DCC: variants seen among roughly 807,000 people sequenced by gnomAD.
DCC encodes DCC netrin 1 receptor, also known as netrin receptor DCC.
DCC carries 58 observed loss-of-function variants against 172.5 expected under a neutral mutation model. The ratio of observed to expected loss-of-function variants is 0.34; its 90% CI spans 0.27 to 0.42. The LOEUF (loss-of-function observed/expected upper bound fraction) is 0.42, where lower values mean the gene tolerates loss of function less well. Ranked by LOEUF, DCC falls within the 10% of genes least tolerant of loss-of-function variation. The pLI is 1.00. For missense variants in DCC, 1,740 were observed against 1,791.0 expected (o/e 0.97, Z 0.51); for synonymous variants, 709 against 644.5 (o/e 1.10, Z -1.52).
chr18:53,003,939 T>C (rs955709505), intron 5 of DCC, among the ~76,000 whole-genome samples: 3 of 152,194 alleles, frequency 2.0e-5, no homozygotes, highest in Admixed American at 2.0e-4. Flanking sequence ...AATTTTTTTG[T>C]ATATACATGC....
At chr18:52,724,694 T>C (rs1243446451) in intron 1 of DCC, among the ~76,000 whole-genome samples, 2 of 152,172 alleles carry the variant, frequency 1.3e-5, no homozygotes, top group Non-Finnish European at 2.9e-5. Context: ...CTTGTCTCCC[T>C]CTTTCATAGC....
At chr18:52,515,769 A>C (rs982864959) in intron 1 of DCC, among the ~76,000 whole-genome samples, 8 of 151,062 alleles carry the variant, frequency 5.3e-5, no homozygotes, top group Non-Finnish European at 8.9e-5. Context: ...AAAATTAAAA[A>C]CTGTTGCTTT....
intron 2 of DCC, among the ~76,000 whole-genome samples, chr18:52,784,683 A>T (rs1375416753): frequency 2.6e-5 from 4 of 151,888 alleles, no homozygotes; most frequent in African/African-American, 9.7e-5. Flanking sequence ...AAAATTTTTT[A>T]AATATGTTTT....
rs569519895 is a variant in DCC at position 53,138,767 on chromosome 18, G to A, written c.1262-18589G>A. On this transcript the variant is annotated intron_variant, in intron 7 of 28. Coordinates refer to ENST00000442544, the MANE Select transcript of DCC (RefSeq NM_005215.4). ...CTAACAATATACCCTTGGGTTTACA[G>A]CAGAATAAAGCTGCTACTCTGATAA... Among the ~76,000 whole-genome samples, 6 of 152,262 alleles carry A rather than the reference G, an allele frequency of 3.9e-5. No homozygotes were observed. The South Asian group carries it at 8.3e-4, about 21-fold the overall frequency.
At chr18:52,625,033 A>G (rs1478847332) in intron 1 of DCC, among the ~76,000 whole-genome samples, 3 of 152,166 alleles carry the variant, frequency 2.0e-5, no homozygotes, top group Non-Finnish European at 2.9e-5. Flanking sequence ...GGTGTAGCCT[A>G]TTGTTCCTAG....
chr18:52,705,743 A>T (rs1447336935), intron 1 of DCC, among the ~76,000 whole-genome samples: 1 of 152,174 alleles, frequency 6.6e-6, no homozygotes, highest in Non-Finnish European at 1.5e-5. Context: ...ACGGCCTGGC[A>T]CAAATATAGG....
chr18:53,107,615 T>C (rs1467089983), intron 7 of DCC, among the ~76,000 whole-genome samples: 1 of 150,038 alleles, frequency 6.7e-6, no homozygotes, highest in Non-Finnish European at 1.5e-5. Flanking sequence ...TCTCCCTCAA[T>C]CAGAACTTAG....
chr18:52,503,061 C>T (rs745651860), intron 1 of DCC, among the ~76,000 whole-genome samples: 13 of 152,114 alleles, frequency 8.5e-5, no homozygotes, highest in Non-Finnish European at 1.8e-4. Flanking sequence ...TCTGAAGAGT[C>T]AAATCAAATC....
chr18:52,902,904 C>T (rs1050577041), intron 2 of DCC, among the ~76,000 whole-genome samples: 9 of 152,188 alleles, frequency 5.9e-5, no homozygotes, highest in Non-Finnish European at 1.2e-4. Flanking sequence ...AATTTTCAAA[C>T]ATTGCATTGT....
intron 2 of DCC, among the ~76,000 whole-genome samples, chr18:52,765,855 C>T (rs944667642): frequency 3.3e-5 from 5 of 152,146 alleles, no homozygotes; most frequent in Admixed American, 6.5e-5. Flanking sequence ...ACCATGGAAA[C>T]GTTCTGGGCC....
intron 5 of DCC, among the ~76,000 whole-genome samples, chr18:53,053,615 A>G (rs750604254): frequency 1.4e-4 from 22 of 152,166 alleles, no homozygotes; most frequent in Non-Finnish European, 2.6e-4. Flanking sequence ...GTTCTCATGC[A>G]TGACAGAAAC....
At chr18:52,465,588 G>A (rs1172272803) in intron 1 of DCC, among the ~76,000 whole-genome samples, 1 of 152,062 alleles carries the variant, frequency 6.6e-6, no homozygotes, top group Admixed American at 6.6e-5. Flanking sequence ...AAGAGGCTGC[G>A]GCCCTTTGTC....
chr18:53,297,191 G>A (rs2057077840), intron 12 of DCC, among the ~76,000 whole-genome samples: 2 of 152,322 alleles, frequency 1.3e-5, no homozygotes, highest in South Asian at 4.1e-4. Context: ...AAAACAGAAA[G>A]CAGTGTTTTA....
intron 11 of DCC, among the ~76,000 whole-genome samples, chr18:53,211,284 A>G (rs1348474968): frequency 6.6e-6 from 1 of 152,238 alleles, no homozygotes; most frequent in African/African-American, 2.4e-5. Flanking sequence ...ACAGATGACA[A>G]AACTAAGTCA....
chr18:53,025,246 A>G (rs557214249), intron 5 of DCC, among the ~76,000 whole-genome samples: 242 of 152,298 alleles, frequency 1.6e-3, no homozygotes, highest in African/African-American at 5.5e-3. Flanking sequence ...CCATTTTTAA[A>G]ATGATATCAC....
chr18:52,727,335 A>T (rs1304718940), intron 1 of DCC, among the ~76,000 whole-genome samples: 1 of 152,268 alleles, frequency 6.6e-6, no homozygotes. Context: ...GTTTTCTGAG[A>T]CCATTCTGGG....
At chr18:53,019,847 A>G (rs538308608) in intron 5 of DCC, among the ~76,000 whole-genome samples, 24 of 152,270 alleles carry the variant, frequency 1.6e-4, no homozygotes, top group African/African-American at 5.8e-4. Flanking sequence ...AAAGCCTAAC[A>G]TGTTTATTGT....
chr18:53,226,796 G>T (rs2056035488), intron 12 of DCC, among the ~76,000 whole-genome samples: 1 of 151,048 alleles, frequency 6.6e-6, no homozygotes, highest in African/African-American at 2.4e-5. Context: ...CAGAGAAAAT[G>T]CAAGTCATAA....
At chr18:53,130,949 G>A (rs1280526371) in intron 7 of DCC, among the ~76,000 whole-genome samples, 1 of 152,060 alleles carries the variant, frequency 6.6e-6, no homozygotes, top group Non-Finnish European at 1.5e-5. Context: ...TGAGGCTTGA[G>A]GGCGATCGAA....
Sources: gnomAD v4.1 joint callset for allele counts (sites outside exome capture counted in the v4.1 genomes callset) on GRCh38, gnomAD v4.1.1 for gene constraint, MANE v1.5 for transcripts, NCBI Gene and HGNC (gene_info 2026-07-23, HGNC 2026-07-21) for gene names.